EIF4G1: variants seen among roughly 807,000 people sequenced by gnomAD.
EIF4G1 encodes the protein eukaryotic translation initiation factor 4 gamma 1, also known as EIF4-gamma.
A neutral mutation model predicts 187.8 loss-of-function variants in EIF4G1; 4 were observed. The observed-to-expected ratio is 0.02, with a 90% CI of 0.01 to 0.05. The LOEUF (loss-of-function observed/expected upper bound fraction) is 0.05, where lower values mean the gene tolerates loss of function less well. Ranked by LOEUF, EIF4G1 falls within the 10% of genes least tolerant of loss-of-function variation. EIF4G1 has a pLI of 1.00. For synonymous variants in EIF4G1, 844 were observed against 781.4 expected, an observed-to-expected ratio of 1.08 and a Z score of -1.34; for missense variants, 1,647 against 2,081.1, an observed-to-expected ratio of 0.79 and a Z score of 4.06.
Position 184,335,030 on chromosome 3 carries a change from G to C in EIF4G1, c.*122G>C. 7.3e-7 allele frequency: 1 copy of C among 1,363,316 alleles called. No individual in the cohort carries two copies. Among genetic ancestry groups the C allele is most frequent in the Admixed American group, 2.0e-5 (1 of 49,956 alleles). The allele number at this position is 1,363,316 out of a possible 1,614,324, so 84.5% of individuals were successfully genotyped here. On this transcript the variant is annotated 3_prime_UTR_variant, in exon 33 of 33. Transcript: ENST00000346169. ...TGGGTGCCTGTAGTGTGATGTGTCTGAACTAATAAAGTGGCTGAAGAGGCA... is the reference window on the plus strand; with the variant it reads ...TGGGTGCCTGTAGTGTGATGTGTCTCAACTAATAAAGTGGCTGAAGAGGCA...
intron 28 of EIF4G1, among the ~76,000 whole-genome samples, chr3:184,331,044 CGA>C (rs1397988038): frequency 6.6e-6 from 1 of 152,018 alleles, no homozygotes; most frequent in Non-Finnish European, 1.5e-5. Flanking sequence ...GCTCCTGGGA[CGA>C]GTTCTTATTT....
intron 16 of EIF4G1, 69 bp downstream of exon 16, chr3:184,324,046 C>G: frequency 6.2e-7 from 1 of 1,607,806 alleles, no homozygotes. Context: ...CTCCTTGAGT[C>G]CAGCTTCTTG....
chr3:184,324,361 C>T lies in EIF4G1; in HGVS notation c.2619+14C>T. 3 of 1,614,128 alleles carry T rather than the reference C, an allele frequency of 1.9e-6. No homozygotes were observed. The highest frequency in any genetic ancestry group is 2.5e-6 in the Non-Finnish European group (3 of 1,180,010). On this transcript the variant is annotated intron_variant, in intron 17 of 32. Transcript: ENST00000346169. ...GAAGCTGCTACGGTGAGAGAAAACC[C>T]ACTATCGATTCCACTCACCACTTAC... is the stretch of plus-strand genomic sequence containing the variant.
rs1336775815 is a variant in EIF4G1 at position 184,317,375 on chromosome 3, A to G, written c.202A>G (p.Ser68Gly). The change falls in exon 5 of 33, where the codon AGT (serine) becomes GGT (glycine). Residue 68 changes from serine (S) to glycine (G), a missense_variant. Coordinates refer to ENST00000346169, the MANE Select transcript of EIF4G1 (RefSeq NM_198241.3). ...PPSSAASRVQ[S>G]AAPARPGPAA... ...GAGCAGTGCAGCCTCCCGAGTGCAG[A>G]GTGCAGCCCCTGCCCGCCCTGGCCC... The G allele has an allele frequency of 6.2e-7, 1 of 1,613,970 alleles. No homozygotes were observed. Among genetic ancestry groups the G allele is most frequent in the Non-Finnish European group, 8.5e-7 (1 of 1,180,028 alleles).
chr3:184,326,324 A>G (rs1577229543), intron 21 of EIF4G1, among the ~76,000 whole-genome samples: 1 of 152,362 alleles, frequency 6.6e-6, no homozygotes, highest in South Asian at 2.1e-4. Context: ...GAACACAGTC[A>G]CAGCATGCCT....
chr3:184,322,126 A>C, intron 10 of EIF4G1, 23 bp downstream of exon 10: 2 of 1,614,036 alleles, frequency 1.2e-6, no homozygotes, highest in Non-Finnish European at 1.7e-6. Context: ...TGGACGGTAG[A>C]GGTAGGGCGG....
At position 184,322,331 on chromosome 3, in the gene EIF4G1, TC is replaced by T. The variant is rs768959895; in HGVS notation, c.1520-29del. 9.4e-6 allele frequency: 15 copies of T among 1,600,376 alleles called. No individual in the cohort carries two copies. In the East Asian group the frequency reaches 3.2e-4, roughly 34 times the overall value. Reference sequence around the variant, plus strand: ...GTACTCCTTAAATTATTGGCAAAGATCCATGCTTTTATTTATTTATTTTTAA... The same window carrying T: ...GTACTCCTTAAATTATTGGCAAAGATCATGCTTTTATTTATTTATTTTTAA... On this transcript the variant is annotated intron_variant, in intron 10 of 32. Coordinates refer to ENST00000346169, the MANE Select transcript of EIF4G1 (RefSeq NM_198241.3).
Position 184,320,626 on chromosome 3 carries a change from C to G in EIF4G1, c.538-4C>G. 2 of 1,614,040 alleles carry G rather than the reference C, an allele frequency of 1.2e-6. No homozygotes were observed. Among genetic ancestry groups the G allele is most frequent in the Non-Finnish European group, 1.7e-6 (2 of 1,179,986 alleles). ...CCACTCATCTTATAGCTTTCTTTCC[C>G]CAGATCCGAATTCGAGATCCAAACC... On this transcript the variant is annotated splice_polypyrimidine_tract_variant and splice_region_variant and intron_variant, in intron 7 of 32. Transcript: ENST00000346169.
In EIF4G1 at chr3:184,316,656, C is replaced by A. The variant is rs1487568740; in HGVS notation, c.147+438C>A. 10 of 1,521,394 alleles carry A rather than the reference C, an allele frequency of 6.6e-6. No homozygotes were observed. In the East Asian group the frequency reaches 1.1e-4, roughly 17 times the overall value. The allele number at this position is 1,521,394 out of a possible 1,614,324, so 94.2% of individuals were successfully genotyped here. ...TCCTGTCTTATTGCCTTCATTCCCT[C>A]CCCCCGCCATCACCTTGGGGGTAAT... is the stretch of plus-strand genomic sequence containing the variant. On this transcript the variant is annotated intron_variant, in intron 4 of 32. Coordinates refer to ENST00000346169, the MANE Select transcript of EIF4G1 (RefSeq NM_198241.3).
In EIF4G1 at chr3:184,316,160, CGGT is replaced by C; in HGVS notation, c.94_96del (p.Val32del). On this transcript the variant is annotated inframe_deletion, in exon 4 of 33. Coordinates refer to ENST00000346169, the MANE Select transcript of EIF4G1 (RefSeq NM_198241.3). Reference sequence around the variant, plus strand: ...GCGTTTCCCCCGGGGCAGACAGCGCCGGTGGTGTTCAGTACGCCACAAGCGACA... The same window carrying C: ...GCGTTTCCCCCGGGGCAGACAGCGCCGGTGTTCAGTACGCCACAAGCGACA... The C allele has an allele frequency of 6.2e-7, 1 of 1,614,158 alleles. No individual in the cohort carries two copies. The highest frequency in any genetic ancestry group is 8.5e-7 in the Non-Finnish European group (1 of 1,180,020).
At chr3:184,328,847 A>T in intron 27 of EIF4G1, 62 bp from the exon 28 acceptor site, 1 of 1,613,776 alleles carries the variant, frequency 6.2e-7, no homozygotes, top group Non-Finnish European at 8.5e-7. Flanking sequence ...GTTTGGAGGG[A>T]GATGGAGTAG....
rs1723985065 is a variant in EIF4G1 at position 184,322,066 on chromosome 3, C to T, written c.1482C>T (p.Asn494=). ...LPPESTPIPA[N]LSQNLEAAAA... ...CAGAGAGTACCCCTATTCCAGCCAA[C>T]TTGTCTCAGAATTTGGAGGCAGCAG... The change falls in exon 10 of 33, where the codon AAC becomes AAT. Residue 494 remains asparagine, a synonymous_variant. Coordinates refer to ENST00000346169, the MANE Select transcript of EIF4G1 (RefSeq NM_198241.3). The T allele has an allele frequency of 3.1e-6, 5 of 1,613,996 alleles. No individual in the cohort carries two copies. The highest frequency in any genetic ancestry group is 4.2e-6 in the Non-Finnish European group (5 of 1,180,050).
At chr3:184,319,441 GTGTGTGTGTGTGTGTGTGTGTGTGTT>G (rs1475622853) in intron 6 of EIF4G1, among the ~76,000 whole-genome samples, 403 of 64,886 alleles carry the variant, frequency 6.2e-3, no homozygotes, top group Middle Eastern at 0.01. Flanking sequence ...GTGTGTGTGT[GTGTGTGTGTGTGTGTGTGTGTGTGTT>G]TGTGTGTGTG....
At chr3:184,326,039 A>G in intron 21 of EIF4G1, 88 bp downstream of exon 21, 2 of 1,387,690 alleles carry the variant, frequency 1.4e-6, no homozygotes, top group East Asian at 2.3e-5. Context: ...TGACAGCTGA[A>G]TGTTTCCTCT....
chr3:184,326,784 C>T lies in EIF4G1; in HGVS notation c.3326-97C>T, dbSNP rs141241150. The T allele has an allele frequency of 2.1e-5, 33 of 1,536,850 alleles. No homozygotes were observed. In the Admixed American group the frequency reaches 5.5e-4, roughly 26 times the overall value. On this transcript the variant is annotated intron_variant, in intron 22 of 32. Transcript: ENST00000346169. ...TGGTTCCAGGGATTGAACTGCTTTACTTTTGGGACTGGGACCAAGTGTCCT... is the reference window on the plus strand; with the variant it reads ...TGGTTCCAGGGATTGAACTGCTTTATTTTTGGGACTGGGACCAAGTGTCCT...
rs1726760370 is a variant in EIF4G1 at position 184,334,485 on chromosome 3, G to A, written c.4619-242G>A. On this transcript the variant is annotated intron_variant, in intron 32 of 32. Coordinates refer to ENST00000346169, the MANE Select transcript of EIF4G1 (RefSeq NM_198241.3). This position sits in a 1 kb window ranked among gnomAD's most constrained non-coding sequence, Gnocchi z 5.8. ...ATCATGGGCAGAGAGGTTTCAGGCT[G>A]CCAAGGTGAGGCCAAGCAAGTTTGT... 6.6e-6 allele frequency among the ~76,000 whole-genome samples: 1 copy of A among 152,194 alleles called. No individual in the cohort carries two copies. Among genetic ancestry groups the A allele is most frequent in the South Asian group, 2.1e-4 (1 of 4,826 alleles).
rs776327760 is a variant in EIF4G1 at position 184,323,866 on chromosome 3, C to T, written c.2361C>T (p.Ala787=). The T allele has an allele frequency of 4.3e-6, 7 of 1,614,104 alleles. No homozygotes were observed. The African/African-American group carries it at 8.0e-5, about 18-fold the overall frequency. Residue 787 remains alanine (A), a synonymous_variant, in exon 16 of 33, where the codon GCC becomes GCT. Transcript: ENST00000346169. This position sits in a 1 kb window ranked among gnomAD's most constrained non-coding sequence, Gnocchi z 6.9. ...TGATGAAGCAAGTGACGCAGCTGGC[C>T]ATCGACACCGAGGAACGCCTCAAAG... ...QQLMKQVTQL[A]IDTEERLKGV... is the part of the protein sequence containing the mutation.
chr3:184,322,763 G>A (rs766746393), intron 12 of EIF4G1, 33 bp downstream of exon 12: 1 of 1,614,206 alleles, frequency 6.2e-7, no homozygotes, highest in Admixed American at 1.7e-5. Flanking sequence ...AATGGCTTGA[G>A]TTTTCTTATT....
In EIF4G1 at chr3:184,323,857, G is replaced by A; in HGVS notation, c.2352G>A (p.Thr784=). 2.5e-6 allele frequency: 4 copies of A among 1,614,200 alleles called. No homozygotes were observed. Among genetic ancestry groups the A allele is most frequent in the East Asian group, 2.2e-5 (1 of 44,886 alleles). ...QMFQQLMKQV[T]QLAIDTEERL... ...TCCAGCAGCTGATGAAGCAAGTGAC[G>A]CAGCTGGCCATCGACACCGAGGAAC... The change falls in exon 16 of 33, where the codon ACG becomes ACA. Residue 784 remains threonine (T), a synonymous_variant. Transcript: ENST00000346169. This position sits in a 1 kb window ranked among gnomAD's most constrained non-coding sequence, Gnocchi z 6.9.
Sources: allele counts gnomAD v4.1 joint callset (sites outside exome capture counted in the v4.1 genomes callset), GRCh38; gene constraint gnomAD v4.1.1; non-coding constraint Gnocchi (gnomAD v3.1); transcripts MANE v1.5; gene names NCBI Gene and HGNC (gene_info 2026-07-23, HGNC 2026-07-21).